CPAP: variants seen among roughly 807,000 people sequenced by gnomAD.
CPAP encodes centrosome assembly and centriole elongation protein.
the CPAP span, chr13:24,889,481 A>G: frequency 5.4e-6 from 5 of 933,276 alleles, no homozygotes; most frequent in Non-Finnish European, 6.8e-6. Flanking sequence ...AAACTCAGCT[A>G]GTGCTAAGAA....
the CPAP span, chr13:24,933,059 C>T: frequency 6.3e-7 from 1 of 1,588,384 alleles, no homozygotes; most frequent in East Asian, 2.2e-5. Flanking sequence ...AAGTACTTAC[C>T]TCGGCAGCAG....
At chr13:24,899,533 T>C in the CPAP span, 1 of 1,614,018 alleles carries the variant, frequency 6.2e-7, no homozygotes, top group Non-Finnish European at 8.5e-7. Flanking sequence ...TAAACTCTTC[T>C]ATTCGAGCTA....
chr13:24,889,466 T>C, the CPAP span: 1 of 1,068,590 alleles, frequency 9.4e-7, no homozygotes, highest in Non-Finnish European at 1.4e-6. Context: ...TAAGTGAAAC[T>C]AATAAAACTC....
chr13:24,905,364 T>C, the CPAP span: 1 of 1,614,156 alleles, frequency 6.2e-7, no homozygotes, highest in South Asian at 1.1e-5. Context: ...TGGTCTTGAC[T>C]TATGTTTAAC....
the CPAP span, among the ~76,000 whole-genome samples, chr13:24,890,485 C>A: frequency 6.6e-6 from 1 of 152,192 alleles, no homozygotes; most frequent in Non-Finnish European, 1.5e-5. Context: ...CCCACGCTGT[C>A]CTCATGCAGC....
the CPAP span, chr13:24,905,388 C>T: frequency 1.2e-6 from 2 of 1,614,008 alleles, no homozygotes; most frequent in Non-Finnish European, 1.7e-6. Context: ...AGTTCATTTC[C>T]CAAGTGTGAA....
chr13:24,906,901 T>C, the CPAP span: 23 of 1,614,100 alleles, frequency 1.4e-5, no homozygotes, highest in South Asian at 2.4e-4. Context: ...CTAAACCTTC[T>C]CCTCGTTTTA....
chr13:24,884,108 A>G, the CPAP span: 3 of 1,606,784 alleles, frequency 1.9e-6, no homozygotes, highest in South Asian at 1.1e-5. Flanking sequence ...GTTACAGTAA[A>G]TATTTTTTGA....
At chr13:24,884,312 T>G in the CPAP span, 1 of 1,614,058 alleles carries the variant, frequency 6.2e-7, no homozygotes, top group African/African-American at 1.3e-5. Flanking sequence ...AGAACACCTC[T>G]GGAAACATAC....
At chr13:24,900,012 C>CA in the CPAP span, among the ~76,000 whole-genome samples, 1 of 150,874 alleles carries the variant, frequency 6.6e-6, no homozygotes, top group African/African-American at 2.4e-5. Context: ...TATTGGAAGA[C>CA]AGACGATAAT....
At chr13:24,910,091 C>A in the CPAP span, 1 of 1,610,872 alleles carries the variant, frequency 6.2e-7, no homozygotes, top group Admixed American at 1.7e-5. Flanking sequence ...TCAAACCTTA[C>A]AATTAAGAAA....
At chr13:24,901,536 T>G in the CPAP span, among the ~76,000 whole-genome samples, 2 of 152,222 alleles carry the variant, frequency 1.3e-5, no homozygotes, top group Non-Finnish European at 2.9e-5. Context: ...GTCTTATACA[T>G]ATGACGATAT....
At chr13:24,906,992 T>C in the CPAP span, 1 of 1,604,416 alleles carries the variant, frequency 6.2e-7, no homozygotes, top group East Asian at 2.2e-5. Context: ...TGAATTAATT[T>C]TGGTATATCC....
chr13:24,905,195 A>C, the CPAP span: 2 of 743,752 alleles, frequency 2.7e-6, no homozygotes, highest in Non-Finnish European at 4.4e-6. Flanking sequence ...ATAGACCCAT[A>C]AAATAAATCA....
chr13:24,912,740 G>A, the CPAP span: 1 of 1,614,018 alleles, frequency 6.2e-7, no homozygotes, highest in African/African-American at 1.3e-5. Flanking sequence ...AAGGCTGTAT[G>A]GGTTTCAGAT....
chr13:24,884,352 C>T, the CPAP span: 262 of 1,613,992 alleles, frequency 1.6e-4, no homozygotes, highest in Non-Finnish European at 2.1e-4. Context: ...ACCTGCTTCA[C>T]GTCACCATTA....
the CPAP span, among the ~76,000 whole-genome samples, chr13:24,889,990 T>C: frequency 6.6e-6 from 1 of 152,108 alleles, no homozygotes; most frequent in East Asian, 1.9e-4. Flanking sequence ...ACCCTAGAAC[T>C]TGTCATTATC....
the CPAP span, among the ~76,000 whole-genome samples, chr13:24,916,832 T>C: frequency 1.3e-5 from 2 of 152,236 alleles, no homozygotes; most frequent in East Asian, 1.9e-4. Context: ...AATCATATTA[T>C]GCAACTGTTA....
chr13:24,912,730 A>C, the CPAP span: 1 of 1,614,160 alleles, frequency 6.2e-7, no homozygotes. Context: ...AATGCAAGGA[A>C]AGGCTGTATG....
Sources: gnomAD v4.1 joint callset for allele counts (sites outside exome capture counted in the v4.1 genomes callset) on GRCh38, gnomAD v4.1.1 for gene constraint, MANE v1.5 for transcripts, NCBI Gene and HGNC (gene_info 2026-07-23, HGNC 2026-07-21) for gene names.